The following CSNK2A2IP variants were observed in gnomAD, a reference collection of about 807,000 sequenced individuals.
CSNK2A2IP encodes casein kinase II subunit alpha'-interacting protein.
At chr3:88,439,372 A>G in the CSNK2A2IP span, among the ~76,000 whole-genome samples, 2 of 152,146 alleles carry the variant, frequency 1.3e-5, no homozygotes, top group African/African-American at 4.8e-5. Context: ...CAAAAAATGT[A>G]TAATATGTAT....
chr3:88,364,872 G>GA, the CSNK2A2IP span, among the ~76,000 whole-genome samples: 1 of 152,156 alleles, frequency 6.6e-6, no homozygotes, highest in Admixed American at 6.6e-5. Context: ...ATAAATGAGT[G>GA]AAAAATAGCT....
At chr3:88,421,073 G>A in the CSNK2A2IP span, among the ~76,000 whole-genome samples, 3 of 152,186 alleles carry the variant, frequency 2.0e-5, no homozygotes, top group South Asian at 4.1e-4. Flanking sequence ...TCCCGTCTCC[G>A]AAGAGAGATG....
chr3:88,449,868 T>TAGAGAGAGAGAGAGAG, the CSNK2A2IP span, among the ~76,000 whole-genome samples: 5 of 74,202 alleles, frequency 6.7e-5, no homozygotes, highest in Admixed American at 1.2e-4. Context: ...TATATATATA[T>TAGAGAGAGAGAGAGAG]ATATATAGAG....
At chr3:88,375,308 C>T in the CSNK2A2IP span, among the ~76,000 whole-genome samples, 19 of 151,902 alleles carry the variant, frequency 1.3e-4, no homozygotes, top group African/African-American at 3.9e-4. Flanking sequence ...GGCAAGCCAT[C>T]GCTGATCTCC....
chr3:88,370,189 A>AAAT, the CSNK2A2IP span, among the ~76,000 whole-genome samples: 1 of 152,066 alleles, frequency 6.6e-6, no homozygotes, highest in East Asian at 1.9e-4. Context: ...CTATGAAAGA[A>AAAT]AATAATATTT....
chr3:88,342,418 C>G, the CSNK2A2IP span, among the ~76,000 whole-genome samples: 58 of 152,064 alleles, frequency 3.8e-4, 1 homozygote, highest in South Asian at 0.012. Flanking sequence ...GAGCTGTAAC[C>G]AATCCATCTG....
At chr3:88,454,956 G>T in the CSNK2A2IP span, among the ~76,000 whole-genome samples, 5 of 151,558 alleles carry the variant, frequency 3.3e-5, no homozygotes, top group East Asian at 9.7e-4. Flanking sequence ...CTTTTATTAG[G>T]TTTCACATAT....
At chr3:88,416,050 G>A in the CSNK2A2IP span, among the ~76,000 whole-genome samples, 7 of 151,896 alleles carry the variant, frequency 4.6e-5, 1 homozygote, top group African/African-American at 1.5e-4. Context: ...GCAGGAGGAT[G>A]ACTTGAGGTC....
At chr3:88,462,827 C>G in the CSNK2A2IP span, among the ~76,000 whole-genome samples, 1 of 151,930 alleles carries the variant, frequency 6.6e-6, no homozygotes, top group African/African-American at 2.4e-5. Context: ...TTTTGGATAA[C>G]GAAGCTTGAT....
chr3:88,361,946 A>G, the CSNK2A2IP span, among the ~76,000 whole-genome samples: 1,055 of 152,138 alleles, frequency 6.9e-3, 14 homozygotes, highest in African/African-American at 0.024. Flanking sequence ...TTTAAAAATT[A>G]TTTCAATCTC....
chr3:88,466,211 A>G, the CSNK2A2IP span: 1 of 1,231,496 alleles, frequency 8.1e-7, no homozygotes, highest in Non-Finnish European at 1.0e-6. Context: ...CCTATATTGA[A>G]CTCTAACCCC....
chr3:88,374,143 G>A, the CSNK2A2IP span, among the ~76,000 whole-genome samples: 1 of 151,654 alleles, frequency 6.6e-6, no homozygotes, highest in African/African-American at 2.4e-5. Context: ...AAGCAGGAAG[G>A]CTGGTTAAGA....
chr3:88,368,700 C>T, the CSNK2A2IP span, among the ~76,000 whole-genome samples: 404 of 152,130 alleles, frequency 2.7e-3, 1 homozygote, highest in African/African-American at 9.4e-3. Context: ...TCCCATGATT[C>T]GGAATCCAGA....
At chr3:88,412,810 A>G in the CSNK2A2IP span, among the ~76,000 whole-genome samples, 1 of 152,126 alleles carries the variant, frequency 6.6e-6, no homozygotes, top group South Asian at 2.1e-4. Context: ...AGGAGATAGT[A>G]CCACACCGGT....
At chr3:88,366,907 C>T in the CSNK2A2IP span, among the ~76,000 whole-genome samples, 1 of 152,148 alleles carries the variant, frequency 6.6e-6, no homozygotes, top group Admixed American at 6.6e-5. Flanking sequence ...TACATGGCAG[C>T]AGCAAGACAG....
chr3:88,399,385 C>T, the CSNK2A2IP span, among the ~76,000 whole-genome samples: 1 of 152,040 alleles, frequency 6.6e-6, no homozygotes, highest in Non-Finnish European at 1.5e-5. Context: ...AAGTGATTAT[C>T]CAGGATCAGT....
the CSNK2A2IP span, among the ~76,000 whole-genome samples, chr3:88,361,162 G>A: frequency 6.6e-6 from 1 of 152,134 alleles, no homozygotes; most frequent in Non-Finnish European, 1.5e-5. Context: ...TACAGTGATA[G>A]AGTATTCTGT....
At chr3:88,434,817 C>G in the CSNK2A2IP span, among the ~76,000 whole-genome samples, 6 of 152,130 alleles carry the variant, frequency 3.9e-5, no homozygotes, top group Non-Finnish European at 7.3e-5. Flanking sequence ...TTTGATCATC[C>G]ATACTAGCTC....
At chr3:88,463,872 A>G in the CSNK2A2IP span, among the ~76,000 whole-genome samples, 3 of 152,146 alleles carry the variant, frequency 2.0e-5, no homozygotes, top group Admixed American at 6.5e-5. Flanking sequence ...TTGCAGCACT[A>G]TTCACAATAG....
Sources: allele counts gnomAD v4.1 joint callset (sites outside exome capture counted in the v4.1 genomes callset), GRCh38; gene constraint gnomAD v4.1.1; transcripts MANE v1.5; gene names NCBI Gene and HGNC (gene_info 2026-07-23, HGNC 2026-07-21).